The following UGT2A1 variants were observed in gnomAD, a reference collection of about 807,000 sequenced individuals.
The protein encoded by UGT2A1 is UDP-glucuronosyltransferase 2A1.
UGT2A1 carries 61 observed loss-of-function variants against 45.4 expected under a neutral mutation model. The observed-to-expected ratio is 1.34, with a 90% CI of 1.09 to 1.66. The LOEUF (loss-of-function observed/expected upper bound fraction) is 1.66, where lower values mean the gene tolerates loss of function less well. Among genes scored for constraint, UGT2A1 ranks in the 40% most tolerant of loss-of-function variants. The pLI is 0.00. For synonymous variants in UGT2A1, 229 were observed against 196.2 expected (o/e 1.17, Z -1.40); for missense variants, 649 against 574.3 (o/e 1.13, Z -1.33).
chr4:69,636,812 T>C (rs1354022499), intron 2 of UGT2A1, among the ~76,000 whole-genome samples: 1 of 152,156 alleles, frequency 6.6e-6, no homozygotes, highest in Non-Finnish European at 1.5e-5. Flanking sequence ...TGATATCATA[T>C]GATCCTCCTA....
chr4:69,625,167 T>C (rs1237013878), intron 3 of UGT2A1, among the ~76,000 whole-genome samples: 1 of 64,268 alleles, frequency 1.6e-5, no homozygotes, highest in Non-Finnish European at 3.3e-5. Context: ...TTTTCATTCT[T>C]TTTTTTTCTT....
intron 3 of UGT2A1, among the ~76,000 whole-genome samples, chr4:69,630,727 T>A (rs190756212): frequency 6.6e-6 from 1 of 152,134 alleles, no homozygotes; most frequent in South Asian, 2.1e-4. Context: ...AAATTATATA[T>A]GTTTTATTAT....
chr4:69,640,068 G>A (rs1446917236), intron 2 of UGT2A1, among the ~76,000 whole-genome samples: 1 of 151,976 alleles, frequency 6.6e-6, no homozygotes, highest in Non-Finnish European at 1.5e-5. Context: ...CCAACTGATT[G>A]TTGTCTCCTA....
intron 2 of UGT2A1, among the ~76,000 whole-genome samples, chr4:69,637,597 A>G (rs866258286): frequency 6.6e-6 from 1 of 152,034 alleles, no homozygotes; most frequent in African/African-American, 2.4e-5. Context: ...CTTTCATTTG[A>G]TACTTTCTCT....
At chr4:69,626,988 A>T (rs115345180) in intron 3 of UGT2A1, among the ~76,000 whole-genome samples, 2 of 151,740 alleles carry the variant, frequency 1.3e-5, no homozygotes, top group Admixed American at 6.6e-5. Flanking sequence ...TTAAAATTAA[A>T]CACTTCTCCA....
intron 3 of UGT2A1, among the ~76,000 whole-genome samples, chr4:69,613,253 T>A (rs6848997): frequency 6.6e-6 from 1 of 151,762 alleles, no homozygotes; most frequent in Admixed American, 6.6e-5. Flanking sequence ...AACAGATACC[T>A]AGACATATAT....
At chr4:69,626,773 C>G (rs1029505811) in intron 3 of UGT2A1, among the ~76,000 whole-genome samples, 3 of 151,740 alleles carry the variant, frequency 2.0e-5, no homozygotes, top group Non-Finnish European at 4.4e-5. Context: ...ACAGTATAAA[C>G]TAAAATATTA....
At chr4:69,626,618 C>A (rs1721073907) in intron 3 of UGT2A1, among the ~76,000 whole-genome samples, 1 of 151,382 alleles carries the variant, frequency 6.6e-6, no homozygotes, top group South Asian at 2.1e-4. Context: ...GCACATATAC[C>A]CTTGGAAACT....
At chr4:69,621,621 T>A (rs12507278) in intron 3 of UGT2A1, among the ~76,000 whole-genome samples, 55,272 of 151,736 alleles carry the variant, frequency 0.36, 10,614 homozygotes, top group East Asian at 0.6. Context: ...AAAACAGAAC[T>A]ACCATTAAAC....
chr4:69,597,740 A>G (rs1431237692), intron 4 of UGT2A1, among the ~76,000 whole-genome samples: 1 of 152,082 alleles, frequency 6.6e-6, no homozygotes, highest in Non-Finnish European at 1.5e-5. Context: ...ACACACAAAC[A>G]TACACATACA....
chr4:69,652,368 C>A (rs115971342), intron 1 of UGT2A1, among the ~76,000 whole-genome samples: 28 of 149,368 alleles, frequency 1.9e-4, no homozygotes, highest in Admixed American at 1.5e-3. Flanking sequence ...ACTGCAACCT[C>A]CATTTCCCGG....
At chr4:69,636,803 G>C (rs1446413594) in intron 2 of UGT2A1, among the ~76,000 whole-genome samples, 1 of 152,098 alleles carries the variant, frequency 6.6e-6, no homozygotes, top group African/African-American at 2.4e-5. Flanking sequence ...AGCCACATAT[G>C]ATATCATATG....
intron 3 of UGT2A1, among the ~76,000 whole-genome samples, chr4:69,632,253 G>A (rs1050174186): frequency 5.3e-5 from 8 of 152,146 alleles, no homozygotes; most frequent in African/African-American, 1.9e-4. Flanking sequence ...AAGGAAGAGG[G>A]AAGGCATAAC....
intron 3 of UGT2A1, among the ~76,000 whole-genome samples, chr4:69,611,959 A>C (rs1250352763): frequency 6.6e-6 from 1 of 152,148 alleles, no homozygotes; most frequent in African/African-American, 2.4e-5. Context: ...TATAGCAAGA[A>C]AAATTTCCTC....
chr4:69,644,653 T>C (rs1351097411), intron 2 of UGT2A1, among the ~76,000 whole-genome samples: 1 of 151,724 alleles, frequency 6.6e-6, no homozygotes, highest in Non-Finnish European at 1.5e-5. Flanking sequence ...ATAATCATTG[T>C]AGCAAGGCTT....
intron 3 of UGT2A1, among the ~76,000 whole-genome samples, chr4:69,612,358 T>C (rs1720114867): frequency 6.6e-6 from 1 of 152,096 alleles, no homozygotes; most frequent in African/African-American, 2.4e-5. Context: ...ATGACATTCA[T>C]GTCAAACTAC....
intron 1 of UGT2A1, among the ~76,000 whole-genome samples, chr4:69,651,188 A>G (rs964595297): frequency 6.6e-6 from 1 of 152,198 alleles, no homozygotes; most frequent in Non-Finnish European, 1.5e-5. Context: ...AAATGAAGTT[A>G]TATTCACAAC....
Position 69,647,527 on chromosome 4 carries a change from T to C in UGT2A1, c.118A>G (p.Ile40Val), listed in dbSNP as rs765674595. Residue 40 changes from isoleucine (I) to valine (V), a missense_variant, in exon 2 of 7, where the codon ATA (isoleucine) becomes GTA (valine). Coordinates refer to ENST00000286604, the MANE Select transcript of UGT2A1 (RefSeq NM_001252275.3). ...GSHWLNVKII[I>V]DELIKKEHNV... ...TGCTCCTTTTTAATGAGCTCATCTA[T>C]AATTATCTTAACATTTAGCCAATGA... 14 of 1,612,764 alleles carry C rather than the reference T, an allele frequency of 8.7e-6. No individual in the cohort carries two copies. The highest frequency in any genetic ancestry group is 1.3e-5 in the African/African-American group (1 of 74,870).
intron 6 of UGT2A1, among the ~76,000 whole-genome samples, chr4:69,594,011 T>G (rs946008859): frequency 2.7e-5 from 4 of 150,604 alleles, no homozygotes; most frequent in African/African-American, 2.4e-5. Flanking sequence ...GTCTTGCTCT[T>G]TTGCCCAGGC....
Sources: gnomAD v4.1 joint callset for allele counts (sites outside exome capture counted in the v4.1 genomes callset) on GRCh38, gnomAD v4.1.1 for gene constraint, MANE v1.5 for transcripts, NCBI Gene and HGNC (gene_info 2026-07-23, HGNC 2026-07-21) for gene names.